VWA8: variants seen among roughly 807,000 people sequenced by gnomAD.
VWA8 encodes the protein von Willebrand factor A domain-containing protein 8.
In VWA8, 221 loss-of-function variants were observed where a neutral mutation model predicts 241.5. The observed-to-expected ratio is 0.91, with a 90% CI of 0.82 to 1.02. The LOEUF (loss-of-function observed/expected upper bound fraction) is 1.02, where lower values mean the gene tolerates loss of function less well. Ranked by LOEUF, VWA8 falls within the 50% of genes least tolerant of loss-of-function variation. VWA8 has a pLI of 0.00. For synonymous variants in VWA8, 852 were observed against 827.1 expected (o/e 1.03, Z -0.52); for missense variants, 2,322 against 2,328.7 (o/e 1.00, Z 0.06).
At chr13:41,729,485 TAC>T (rs1048258829) in intron 23 of VWA8, 55 bp downstream of exon 23, 13 of 1,503,562 alleles carry the variant, frequency 8.6e-6, no homozygotes, top group African/African-American at 8.5e-5. Context: ...TGTGATTTGA[TAC>T]AGAGATATAA....
intron 12 of VWA8, among the ~76,000 whole-genome samples, chr13:41,847,083 A>AAT (rs1173996932): frequency 1.3e-5 from 2 of 152,156 alleles, no homozygotes; most frequent in Non-Finnish European, 2.9e-5. Flanking sequence ...ATATATATTG[A>AAT]ATATATATAT....
intron 35 of VWA8, among the ~76,000 whole-genome samples, chr13:41,677,217 G>A (rs753852974): frequency 6.6e-5 from 10 of 151,894 alleles, no homozygotes; most frequent in Non-Finnish European, 1.2e-4. Flanking sequence ...AGAGATAAGG[G>A]GTCCAGAGCC....
intron 4 of VWA8, among the ~76,000 whole-genome samples, chr13:41,895,518 G>A (rs1446762624): frequency 1.3e-5 from 2 of 152,078 alleles, no homozygotes; most frequent in African/African-American, 2.4e-5. Context: ...GAGCATACAT[G>A]GTCATACAGC....
At chr13:41,701,082 C>T (rs2045246113) in intron 28 of VWA8, among the ~76,000 whole-genome samples, 2 of 152,142 alleles carry the variant, frequency 1.3e-5, no homozygotes, top group Non-Finnish European at 2.9e-5. Context: ...GCCAAAAAAC[C>T]CAATGTTTCT....
chr13:41,659,269 T>C (rs1395155826), intron 37 of VWA8, among the ~76,000 whole-genome samples: 3 of 152,154 alleles, frequency 2.0e-5, no homozygotes, highest in Non-Finnish European at 4.4e-5. Context: ...TAAAAGCAGA[T>C]TGCTTCAGTA....
At chr13:41,659,334 C>T (rs563160427) in intron 37 of VWA8, among the ~76,000 whole-genome samples, 7 of 152,298 alleles carry the variant, frequency 4.6e-5, no homozygotes, top group East Asian at 1.9e-4. Flanking sequence ...CTCTGTGCTT[C>T]GGTTTCCTCA....
rs1873100623 is a variant in VWA8, at chr13:41,863,393, ATTTGTGTGTGTGTGTGTGTG to A, written c.1425+2323_1425+2342del. The stretch of plus-strand genomic sequence containing the variant: ...ATATATGTGTGTGTGTGTATCTCCT[ATTTGTGTGTGTGTGTGTGTG>A]TGTGTGTGTGTGTGTGTGTGTATAT... On this transcript the variant is annotated intron_variant, in intron 12 of 44. Coordinates refer to ENST00000379310, the MANE Select transcript of VWA8 (RefSeq NM_015058.2). Among the ~76,000 whole-genome samples, 5 of 73,244 alleles carry A rather than the reference ATTTGTGTGTGTGTGTGTGTG, an allele frequency of 6.8e-5. No homozygotes were observed. In the South Asian group the frequency reaches 2.7e-3, roughly 40 times the overall value. 48.1% of individuals were successfully genotyped at this position (73,244 alleles called of 152,430 possible).
intron 26 of VWA8, among the ~76,000 whole-genome samples, chr13:41,705,671 C>A (rs976607805): frequency 6.6e-6 from 1 of 151,738 alleles, no homozygotes; most frequent in Admixed American, 6.6e-5. Flanking sequence ...AATTTTTTTT[C>A]TTTTTTTGTC....
At chr13:41,664,717 A>C (rs1593683225) in intron 37 of VWA8, among the ~76,000 whole-genome samples, 2 of 152,068 alleles carry the variant, frequency 1.3e-5, no homozygotes, top group African/African-American at 4.8e-5. Flanking sequence ...TCAGAACTAC[A>C]CAGTATCTTC....
intron 9 of VWA8, among the ~76,000 whole-genome samples, chr13:41,874,194 A>G (rs1593835427): frequency 6.6e-6 from 1 of 150,642 alleles, no homozygotes; most frequent in Non-Finnish European, 1.5e-5. Flanking sequence ...TCAAAATAAT[A>G]AGAGCTATCT....
intron 9 of VWA8, among the ~76,000 whole-genome samples, 174 bp downstream of exon 9, chr13:41,883,213 T>G (rs117554619): frequency 1.3e-5 from 2 of 152,044 alleles, no homozygotes; most frequent in Non-Finnish European, 2.9e-5. Flanking sequence ...TGTCTTCTTG[T>G]TGGAATGCTG....
chr13:41,769,472 C>T (rs1007399753), intron 20 of VWA8, among the ~76,000 whole-genome samples: 5 of 152,280 alleles, frequency 3.3e-5, no homozygotes, highest in South Asian at 2.1e-4. Context: ...GGGTTCATTA[C>T]GTACTCTACG....
At chr13:41,932,551 A>T (rs964603485) in intron 2 of VWA8, among the ~76,000 whole-genome samples, 12 of 152,178 alleles carry the variant, frequency 7.9e-5, no homozygotes, top group African/African-American at 2.9e-4. Context: ...TACAAATCCT[A>T]AACAAAATGT....
chr13:41,589,342 T>C (rs978581691), intron 41 of VWA8, among the ~76,000 whole-genome samples: 3 of 152,256 alleles, frequency 2.0e-5, no homozygotes, highest in African/African-American at 7.2e-5. Flanking sequence ...GACACTGATC[T>C]TTAAAGTAAG....
chr13:41,948,104 A>G (rs909035073), intron 2 of VWA8, among the ~76,000 whole-genome samples: 1 of 152,206 alleles, frequency 6.6e-6, no homozygotes, highest in African/African-American at 2.4e-5. Context: ...AATATTCACA[A>G]TAGTCCGAAA....
intron 42 of VWA8, among the ~76,000 whole-genome samples, chr13:41,583,733 G>C (rs535135036): frequency 1.3e-5 from 2 of 151,906 alleles, no homozygotes; most frequent in Admixed American, 1.3e-4. Context: ...TGACTGTCAT[G>C]AAAAGCAAAA....
At chr13:41,584,960 TGGGC>T (rs2044407063) in intron 42 of VWA8, among the ~76,000 whole-genome samples, 1 of 152,160 alleles carries the variant, frequency 6.6e-6, no homozygotes, top group African/African-American at 2.4e-5. Flanking sequence ...TCTCCCTCAC[TGGGC>T]TACCCAGCAG....
intron 21 of VWA8, among the ~76,000 whole-genome samples, chr13:41,756,900 C>T (rs979073163): frequency 9.9e-5 from 15 of 151,658 alleles, no homozygotes; most frequent in East Asian, 1.9e-4. Flanking sequence ...GAGGTAAACA[C>T]TATGCAATCA....
intron 35 of VWA8, among the ~76,000 whole-genome samples, chr13:41,677,874 T>C (rs9566818): frequency 0.056 from 8,473 of 152,254 alleles, 278 homozygotes; most frequent in East Asian, 0.12. Context: ...CAAATTTGAA[T>C]TTATCAAATG....
Sources: allele counts gnomAD v4.1 joint callset (sites outside exome capture counted in the v4.1 genomes callset), GRCh38; gene constraint gnomAD v4.1.1; transcripts MANE v1.5; gene names NCBI Gene and HGNC (gene_info 2026-07-23, HGNC 2026-07-21).